DDHD1: variants seen among roughly 807,000 people sequenced by gnomAD.
DDHD1 encodes DDHD domain containing 1.
In DDHD1, 49 loss-of-function variants were observed where a neutral mutation model predicts 96.4. The ratio of observed to expected loss-of-function variants is 0.51; its 90% CI spans 0.40 to 0.64. DDHD1 has a LOEUF of 0.64. Among genes scored for constraint, DDHD1 ranks in the 30% least tolerant of loss-of-function variants. The probability of loss-of-function intolerance (pLI) is 0.00; values close to 1 mark genes in which losing one functional copy is unlikely to be tolerated. For missense variants in DDHD1, 1,106 were observed against 1,161.2 expected, an observed-to-expected ratio of 0.95 and a Z score of 0.69; for synonymous variants, 442 against 446.5, an observed-to-expected ratio of 0.99 and a Z score of 0.13.
At chr14:53,101,361 GAAT>G (rs999904962) in intron 2 of DDHD1, among the ~76,000 whole-genome samples, 5 of 151,842 alleles carry the variant, frequency 3.3e-5, no homozygotes, top group Non-Finnish European at 7.4e-5. Flanking sequence ...GTTTAATATT[GAAT>G]AAAAATAAAG....
intron 12 of DDHD1, among the ~76,000 whole-genome samples, chr14:53,050,291 G>C (rs906988962): frequency 6.6e-6 from 1 of 152,144 alleles, no homozygotes; most frequent in African/African-American, 2.4e-5. Context: ...GTTTTCTTGA[G>C]AAAAATCAGG....
At chr14:53,104,435 G>C (rs1400809398) in intron 1 of DDHD1, among the ~76,000 whole-genome samples, 4 of 152,178 alleles carry the variant, frequency 2.6e-5, no homozygotes, top group African/African-American at 9.7e-5. Flanking sequence ...CGAGTTTCAT[G>C]CAAGGCTCTG....
At chr14:53,077,272 T>C (rs1294984049) in intron 4 of DDHD1, among the ~76,000 whole-genome samples, 1 of 152,248 alleles carries the variant, frequency 6.6e-6, no homozygotes, top group Non-Finnish European at 1.5e-5. Context: ...ATGATCATTG[T>C]TTAAATCCAT....
chr14:53,088,891 G>T (rs1485215702), intron 4 of DDHD1, among the ~76,000 whole-genome samples: 1 of 152,188 alleles, frequency 6.6e-6, no homozygotes. Context: ...GTCCCTACTT[G>T]CAGATGACAT....
At chr14:53,067,911 T>A (rs1884178559) in intron 6 of DDHD1, among the ~76,000 whole-genome samples, 2 of 152,238 alleles carry the variant, frequency 1.3e-5, no homozygotes. Flanking sequence ...GATAAACACA[T>A]AAACCGTCAC....
chr14:53,138,038 G>GA (rs1890363581), intron 1 of DDHD1, among the ~76,000 whole-genome samples: 1 of 152,180 alleles, frequency 6.6e-6, no homozygotes, highest in South Asian at 2.1e-4. Context: ...GTCCACCTAG[G>GA]ATTCTATATC....
In DDHD1 at chr14:53,068,896, C is replaced by T. The variant is rs557817006; in HGVS notation, c.1503+3701G>A. ...TGTGTCCAGTCTTCTCTTACCTAATCCTACCATGATAGCTGCAAAATGGTT... is the reference window on the plus strand; with the variant it reads ...TGTGTCCAGTCTTCTCTTACCTAATTCTACCATGATAGCTGCAAAATGGTT... On this transcript the variant is annotated intron_variant, in intron 6 of 12. Coordinates refer to ENST00000673822, the MANE Select transcript of DDHD1 (RefSeq NM_001160148.2). Among the ~76,000 whole-genome samples, 6 of 152,306 alleles carry T rather than the reference C, an allele frequency of 3.9e-5. No homozygotes were observed. In the East Asian group the frequency reaches 1.2e-3, roughly 29 times the overall value.
chr14:53,128,076 T>C (rs1303728894), intron 1 of DDHD1, among the ~76,000 whole-genome samples: 1 of 152,162 alleles, frequency 6.6e-6, no homozygotes, highest in Non-Finnish European at 1.5e-5. Flanking sequence ...CCCTCTTCGC[T>C]CTATATTTCT....
intron 1 of DDHD1, among the ~76,000 whole-genome samples, chr14:53,106,017 C>T (rs1053973839): frequency 4.6e-5 from 7 of 151,612 alleles, no homozygotes; most frequent in African/African-American, 7.3e-5. Flanking sequence ...TAACCCAAAT[C>T]GACTTTTTGC....
rs903745769 is a variant in DDHD1 at position 53,152,293 on chromosome 14, G to A, written c.806C>T (p.Thr269Ile). The A allele has an allele frequency of 1.9e-6, 3 of 1,612,972 alleles. No individual in the cohort carries two copies. The highest frequency in any genetic ancestry group is 2.7e-5 in the African/African-American group (2 of 74,928). ...GTACACCGGGTAGCACTCTCCTTGG[G>A]TCACATCCACCTCGTAGAGGCCGCC... ...VRGGLYEVDVTQGECYPVYWN... is the reference protein window; with the variant it reads ...VRGGLYEVDVIQGECYPVYWN... The change falls in exon 1 of 13, where the codon ACC (threonine) becomes ATC (isoleucine). Residue 269 changes from threonine to isoleucine, a missense_variant. Coordinates refer to ENST00000673822, the MANE Select transcript of DDHD1 (RefSeq NM_001160148.2).
rs185346159 is a variant in DDHD1 at position 53,045,298 on chromosome 14, T to C, written c.*1470A>G. ...GTGCATTGGTGTGATCAGAGCTCACTGCAGCTTTGAACTTCTGGGCTCGGG... is the reference window on the plus strand; with the variant it reads ...GTGCATTGGTGTGATCAGAGCTCACCGCAGCTTTGAACTTCTGGGCTCGGG... On this transcript the variant is annotated 3_prime_UTR_variant, in exon 13 of 13. Coordinates refer to ENST00000673822, the MANE Select transcript of DDHD1 (RefSeq NM_001160148.2). The C allele has an allele frequency of 2.0e-4, 30 of 152,534 alleles. No individual in the cohort carries two copies. Among genetic ancestry groups the C allele is most frequent in the African/African-American group, 7.2e-4 (30 of 41,568 alleles). 9.4% of individuals were successfully genotyped at this position (152,534 alleles called of 1,614,324 possible). A position where few individuals can be genotyped will look rare whatever the true frequency, so the allele number is the denominator to read the frequency against.
intron 1 of DDHD1, among the ~76,000 whole-genome samples, chr14:53,129,660 C>T (rs1473888599): frequency 3.3e-5 from 5 of 152,198 alleles, no homozygotes; most frequent in Non-Finnish European, 5.9e-5. Flanking sequence ...TCTCTTTTCT[C>T]TGGGCTTGCC....
At chr14:53,146,212 C>CAAACA (rs1296823565) in intron 1 of DDHD1, among the ~76,000 whole-genome samples, 4 of 144,650 alleles carry the variant, frequency 2.8e-5, no homozygotes, top group African/African-American at 1.0e-4. Context: ...CATCTCAAAA[C>CAAACA]AAACAAAAAG....
intron 7 of DDHD1, among the ~76,000 whole-genome samples, chr14:53,061,934 AG>A (rs1883594475): frequency 6.7e-6 from 1 of 149,514 alleles, no homozygotes. Context: ...CTGGGGAGAC[AG>A]GGGCAGGAGA....
intron 2 of DDHD1, chr14:53,096,035 T>C (rs539117139): frequency 1.4e-6 from 1 of 719,626 alleles, no homozygotes; most frequent in Non-Finnish European, 1.7e-6. Context: ...AAAAAACTAA[T>C]AATTTCTATG....
chr14:53,144,088 C>T (rs1267418405), intron 1 of DDHD1, among the ~76,000 whole-genome samples: 1 of 152,154 alleles, frequency 6.6e-6, no homozygotes, highest in African/African-American at 2.4e-5. Flanking sequence ...ATAGTAGCAC[C>T]TTTCTCCCCT....
chr14:53,103,450 G>A (rs895573507), intron 2 of DDHD1: 2 of 415,568 alleles, frequency 4.8e-6, no homozygotes, highest in African/African-American at 2.1e-5. Flanking sequence ...TACATTTATA[G>A]TAAACTGTGT....
At chr14:53,083,569 G>C (rs1021375184) in intron 4 of DDHD1, among the ~76,000 whole-genome samples, 6 of 152,132 alleles carry the variant, frequency 3.9e-5, no homozygotes, top group African/African-American at 1.4e-4. Flanking sequence ...GCTAAAATAA[G>C]GTTAAGAGGG....
intron 4 of DDHD1, among the ~76,000 whole-genome samples, chr14:53,084,501 A>T (rs1194507362): frequency 6.6e-6 from 1 of 152,234 alleles, no homozygotes. Context: ...AAATATAAAC[A>T]TCACGGGAAG....
Sources: gnomAD v4.1 joint callset for allele counts (sites outside exome capture counted in the v4.1 genomes callset) on GRCh38, gnomAD v4.1.1 for gene constraint, MANE v1.5 for transcripts, NCBI Gene and HGNC (gene_info 2026-07-23, HGNC 2026-07-21) for gene names.